The following VPS13B variants were observed in gnomAD, a reference collection of about 807,000 sequenced individuals.
The protein encoded by VPS13B is vacuolar protein sorting 13 homolog B, also known as intermembrane lipid transfer protein VPS13B.
Under a neutral mutation model 426.4 loss-of-function variants are expected in VPS13B, and 285 were observed. That is an observed-to-expected ratio of 0.67 (90% CI 0.61 to 0.74). The LOEUF (loss-of-function observed/expected upper bound fraction) is 0.74, where lower values mean the gene tolerates loss of function less well. VPS13B is among the 30% of genes least tolerant of loss of function. The pLI is 0.00. For synonymous variants in VPS13B, 1,676 were observed against 1,676.4 expected (o/e 1.00, Z 0.01); for missense variants, 4,537 against 4,782.6 (o/e 0.95, Z 1.51).
chr8:99,315,071 C>A (rs1821241624), intron 19 of VPS13B, among the ~76,000 whole-genome samples: 1 of 151,982 alleles, frequency 6.6e-6, no homozygotes, highest in South Asian at 2.1e-4. Flanking sequence ...ATCCATTTAG[C>A]CAGTCCATAT....
rs555191030 is a variant in VPS13B, at chr8:99,661,562, G to A, written c.6046+71G>A. The A allele has an allele frequency of 6.0e-5, 93 of 1,553,324 alleles. No homozygotes were observed. The East Asian group carries it at 1.8e-3, about 31-fold the overall frequency. On this transcript the variant is annotated intron_variant, in intron 35 of 61. Coordinates refer to ENST00000357162, the MANE Select transcript of VPS13B (RefSeq NM_152564.5). ...ATATATTAGCATGTATATAGGATCTGTTAGTAATCTTGACATTCCGTGCAA... is the reference window on the plus strand; with the variant it reads ...ATATATTAGCATGTATATAGGATCTATTAGTAATCTTGACATTCCGTGCAA...
intron 16 of VPS13B, among the ~76,000 whole-genome samples, chr8:99,185,669 A>G (rs1203321832): frequency 1.3e-5 from 2 of 152,200 alleles, no homozygotes; most frequent in East Asian, 1.9e-4. Flanking sequence ...TGTTGATTTT[A>G]AAAGAATGGA....
intron 2 of VPS13B, among the ~76,000 whole-genome samples, chr8:99,027,258 G>A (rs1842188164): frequency 6.6e-6 from 1 of 150,540 alleles, no homozygotes; most frequent in Non-Finnish European, 1.5e-5. Flanking sequence ...GTTTTTATTT[G>A]TTTACATTCA....
rs140198679 is a variant in VPS13B, at chr8:99,031,415, T to C, written c.148-7008T>C. On this transcript the variant is annotated intron_variant, in intron 2 of 61. Transcript: ENST00000357162. ...ATAGGTTTGTCTTCCTTGGGGTATG[T>C]TATTAGAGAATTACTGTATTCCTTT... 3.4e-3 allele frequency among the ~76,000 whole-genome samples: 514 copies of C among 152,320 alleles called. 4 individuals carry two copies. The highest frequency in any genetic ancestry group is 5.6e-3 in the Non-Finnish European group (378 of 68,026).
rs546574054 is a variant in VPS13B, at chr8:99,573,230, T to G, written c.4950-2428T>G. 1.1e-4 allele frequency among the ~76,000 whole-genome samples: 17 copies of G among 152,342 alleles called. No individual in the cohort carries two copies. The South Asian group carries it at 2.9e-3, about 26-fold the overall frequency. ...TGTCAGATGAGTAGCTTGCAAAAAT[T>G]TTCTCCCATTCTGTAGGTTGCCTGT... On this transcript the variant is annotated intron_variant, in intron 31 of 61. Coordinates refer to ENST00000357162, the MANE Select transcript of VPS13B (RefSeq NM_152564.5).
intron 19 of VPS13B, among the ~76,000 whole-genome samples, chr8:99,348,705 T>G (rs1302066356): frequency 6.6e-6 from 1 of 152,232 alleles, no homozygotes. Flanking sequence ...CAATCATTAC[T>G]TATAAGGAGG....
intron 39 of VPS13B, among the ~76,000 whole-genome samples, chr8:99,761,726 T>C (rs1810939637): frequency 6.6e-6 from 1 of 152,226 alleles, no homozygotes; most frequent in African/African-American, 2.4e-5. Flanking sequence ...ACAATAGGTA[T>C]ATTAATATGC....
At chr8:99,584,246 C>A (rs1373095134) in intron 33 of VPS13B, among the ~76,000 whole-genome samples, 2 of 152,166 alleles carry the variant, frequency 1.3e-5, no homozygotes, top group Non-Finnish European at 2.9e-5. Flanking sequence ...TTTAGTTAGG[C>A]CTTGTCAACG....
chr8:99,307,178 C>A (rs940157081), intron 19 of VPS13B, among the ~76,000 whole-genome samples: 1 of 151,990 alleles, frequency 6.6e-6, no homozygotes. Context: ...AATTAGGGTT[C>A]TATATATGTA....
intron 21 of VPS13B, among the ~76,000 whole-genome samples, chr8:99,395,043 G>A (rs537026758): frequency 1.3e-5 from 2 of 152,326 alleles, no homozygotes; most frequent in Non-Finnish European, 2.9e-5. Context: ...TTGGACAATA[G>A]GCAGTGCAGG....
At chr8:99,532,392 G>T (rs1024073170) in intron 30 of VPS13B, among the ~76,000 whole-genome samples, 2 of 151,968 alleles carry the variant, frequency 1.3e-5, no homozygotes, top group Non-Finnish European at 2.9e-5. Context: ...AGTAATTTTG[G>T]CAAACTTTTG....
intron 34 of VPS13B, among the ~76,000 whole-genome samples, chr8:99,661,001 T>C (rs2129758744): frequency 6.6e-6 from 1 of 152,254 alleles, no homozygotes; most frequent in South Asian, 2.1e-4. Flanking sequence ...GATTGTCCTT[T>C]TTTCTTTGTT....
intron 37 of VPS13B, among the ~76,000 whole-genome samples, chr8:99,718,860 T>C (rs1833023678): frequency 6.6e-6 from 1 of 151,950 alleles, no homozygotes; most frequent in Non-Finnish European, 1.5e-5. Flanking sequence ...GTTCTCACTA[T>C]GTTGCCCAGG....
Position 99,818,456 on chromosome 8 carries a change from A to G in VPS13B, c.8367A>G (p.Pro2789=). The change falls in exon 46 of 62, where the codon CCA becomes CCG. Residue 2789 remains proline, a synonymous_variant. Coordinates refer to ENST00000357162, the MANE Select transcript of VPS13B (RefSeq NM_152564.5). ...CTTTGCTATTTCATGTGCAGGTGCC[A>G]TCTTCAAACAGTTCCATTATTTATG... ...APEYSIVIQV[P]SSNSSIIYVW... is the part of the protein sequence containing the mutation. 6.2e-7 allele frequency: 1 copy of G among 1,614,042 alleles called. No homozygotes were observed. The highest frequency in any genetic ancestry group is 8.5e-7 in the Non-Finnish European group (1 of 1,179,922).
chr8:99,721,164 C>A, intron 39 of VPS13B, 117 bp downstream of exon 39: 1 of 1,076,478 alleles, frequency 9.3e-7, no homozygotes, highest in South Asian at 1.3e-5. Context: ...GAGAGAAATA[C>A]ACATCTGTGT....
chr8:99,055,239 A>T (rs181057158), intron 3 of VPS13B, among the ~76,000 whole-genome samples: 1 of 152,114 alleles, frequency 6.6e-6, no homozygotes, highest in Non-Finnish European at 1.5e-5. Flanking sequence ...AGGTTGTGCC[A>T]TGTCGCCTAG....
At chr8:99,144,425 G>T (rs112652745) in intron 13 of VPS13B, among the ~76,000 whole-genome samples, 212 of 150,216 alleles carry the variant, frequency 1.4e-3, no homozygotes, top group African/African-American at 4.9e-3. Flanking sequence ...AATGGTTGAG[G>T]TTGCAGTGAG....
intron 5 of VPS13B, among the ~76,000 whole-genome samples, chr8:99,105,427 G>T (rs1164701403): frequency 6.6e-6 from 1 of 152,248 alleles, no homozygotes; most frequent in South Asian, 2.1e-4. Context: ...CACCCAGGCT[G>T]AAGTGCAGTG....
chr8:99,418,708 A>C (rs3105188), intron 21 of VPS13B, among the ~76,000 whole-genome samples: 39,242 of 151,818 alleles, frequency 0.26, 5,721 homozygotes, highest in East Asian at 0.43. Flanking sequence ...GCCACCATGC[A>C]TGGCTAATAA....
Sources: allele counts gnomAD v4.1 joint callset (sites outside exome capture counted in the v4.1 genomes callset), GRCh38; gene constraint gnomAD v4.1.1; transcripts MANE v1.5; gene names NCBI Gene and HGNC (gene_info 2026-07-23, HGNC 2026-07-21).